The following OPLAH variants were observed in gnomAD, a reference collection of about 807,000 sequenced individuals.
The protein encoded by OPLAH is 5-oxoprolinase.
In OPLAH, 103 loss-of-function variants were observed where a neutral mutation model predicts 122.8. The ratio of observed to expected loss-of-function variants is 0.84; its 90% CI spans 0.71 to 0.99. OPLAH has a LOEUF of 0.99. OPLAH is among the 50% of genes least tolerant of loss of function. The pLI is 0.00. For missense variants in OPLAH, 1,902 were observed against 1,836.5 expected, an observed-to-expected ratio of 1.04 and a Z score of -0.65; for synonymous variants, 875 against 796.0, an observed-to-expected ratio of 1.10 and a Z score of -1.67.
At chr8:144,051,159 G>A, downstream of OPLAH, 1 of 1,429,190 alleles carries the variant, frequency 7.0e-7, no homozygotes, top group South Asian at 1.5e-5. Context: ...GGGGCTCACG[G>A]ACCACCGGGC....
chr8:144,056,913 G>T lies in OPLAH; in HGVS notation c.1706+35C>A, dbSNP rs781820950. The T allele has an allele frequency of 2.1e-5, 33 of 1,545,616 alleles. No individual in the cohort carries two copies. In the African/African-American group the frequency reaches 4.2e-4, roughly 20 times the overall value. On this transcript the variant is annotated intron_variant, in intron 12 of 26. Transcript: ENST00000618853. ...CCACCAAGGGCGTGGTGAGGACAAC[G>T]TAAGCCCTCTGTCCAGGGCACCCTG... is the stretch of plus-strand genomic sequence containing the variant.
At chr8:144,061,700 G>A (rs1214339754), upstream of OPLAH, among the ~76,000 whole-genome samples, 2 of 152,112 alleles carry the variant, frequency 1.3e-5, no homozygotes, top group Non-Finnish European at 2.9e-5. Context: ...TCCACCCCTC[G>A]TTTAGCATAT....
rs192465818 is a variant in OPLAH, at chr8:144,053,606, T to A, written c.2687-213A>T. 2.0e-5 allele frequency among the ~76,000 whole-genome samples: 3 copies of A among 152,134 alleles called. No homozygotes were observed. The East Asian group carries it at 5.8e-4, about 29-fold the overall frequency. ...GCCCTCTGCAGTGTGCCTGTGCATG[T>A]CCCTCTGTGGTCCACAACCCCTGCC... On this transcript the variant is annotated intron_variant, in intron 19 of 26. Coordinates refer to ENST00000618853, the MANE Select transcript of OPLAH (RefSeq NM_017570.5).
chr8:144,052,891 C>A lies in OPLAH; in HGVS notation c.3028G>T (p.Val1010Leu), dbSNP rs1554758049. ...VQISLSQGSAVFDFSGTGPEV... is the reference protein window; with the variant it reads ...VQISLSQGSALFDFSGTGPEV... ...GGCCCAGTGCCGCTGAAGTCAAACA[C>A]GGCGCTGCCCTGCGCGCCCCGAGGG... The change falls in exon 22 of 27, where the codon GTG (valine) becomes TTG (leucine). Residue 1010 changes from valine (V) to leucine (L), a missense_variant. Physicochemically the swap from Val to Leu is conservative, Grantham distance 32. Transcript: ENST00000618853. 9 of 1,555,084 alleles carry A rather than the reference C, an allele frequency of 5.8e-6. No homozygotes were observed. Among genetic ancestry groups the A allele is most frequent in the Non-Finnish European group, 7.8e-6 (9 of 1,149,728 alleles).
In OPLAH at chr8:144,053,238, C is replaced by T. The variant is rs372271426; in HGVS notation, c.2842G>A (p.Val948Met). The T allele has an allele frequency of 5.0e-6, 8 of 1,612,880 alleles. No homozygotes were observed. The highest frequency in any genetic ancestry group is 4.5e-5 in the East Asian group (2 of 44,876). The change falls in exon 20 of 27, where the codon GTG (valine) becomes ATG (methionine). Residue 948 changes from valine (V) to methionine (M), a missense_variant. This residue lies in a region of OPLAH where 1,726 missense variants were observed against 1,642.1 expected (regional missense o/e 1.05). Coordinates refer to ENST00000618853, the MANE Select transcript of OPLAH (RefSeq NM_017570.5). ...ATATGGCCCATGTAGGCCTGCACCA[C>T]GTCCAGGCCGTACTGCCCAATGAGC... is the stretch of plus-strand genomic sequence containing the variant. ...GELIGQYGLD[V>M]VQAYMGHIQA...
Position 144,058,339 on chromosome 8 carries a change from G to A in OPLAH, c.849C>T (p.Ser283=). ...GLAPMDTFSG[S]SAVLSGPAGG... The stretch of plus-strand genomic sequence containing the variant: ...CGGCCGGGCCCGAGAGCACAGCACT[G>A]GAGCCGCTGAAGGTGTCCATGGGCG... Residue 283 remains serine (S), a synonymous_variant, in exon 7 of 27, where the codon TCC becomes TCT. Transcript: ENST00000618853. 6.3e-7 allele frequency: 1 copy of A among 1,598,798 alleles called. No homozygotes were observed. Among genetic ancestry groups the A allele is most frequent in the Non-Finnish European group, 8.5e-7 (1 of 1,175,132 alleles).
rs782556868 is a variant in OPLAH at position 144,060,139 on chromosome 8, C to T, written c.-53-54G>A. 1.5e-5 allele frequency: 19 copies of T among 1,285,188 alleles called. 1 individual carries two copies. In the South Asian group the frequency reaches 2.5e-4, roughly 17 times the overall value. The allele number at this position is 1,285,188 out of a possible 1,614,324, so 79.6% of individuals were successfully genotyped here. A position where few individuals can be genotyped will look rare whatever the true frequency, so the allele number is the denominator to read the frequency against. ...CACCTGCGAGTGGGACTAGAGGCTC[C>T]CCAGCCCTGCGCATGCGGGGGGTTC... On this transcript the variant is annotated intron_variant, in intron 1 of 26. Transcript: ENST00000618853.
In OPLAH at chr8:144,055,162, G is replaced by T; in HGVS notation, c.2276C>A (p.Thr759Lys). 1 of 1,561,314 alleles carries T rather than the reference G, an allele frequency of 6.4e-7. No individual in the cohort carries two copies. Among genetic ancestry groups the T allele is most frequent in the African/African-American group, 1.4e-5 (1 of 73,298 alleles). ...CTCCTTGATGTTGGTGGAGATGGCT[G>T]TGCGCTGCAGGATGCGGCCCATCTG... The part of the protein sequence containing the change: ...AEQMGRILQR[T>K]AISTNIKERL... Residue 759 changes from threonine to lysine, a missense_variant, in exon 17 of 27, where the codon ACA becomes AAA. Thr to Lys is a moderately conservative substitution (Grantham distance 78, BLOSUM62 -1). Around this residue, in one of 3 missense-constraint regions of OPLAH, gnomAD observed 1,726 missense variants for 1,642.1 expected, o/e 1.05. Transcript: ENST00000618853. This position sits in a 1 kb window ranked among gnomAD's most constrained non-coding sequence, Gnocchi z 6.5.
chr8:144,058,640 G>A lies in OPLAH; in HGVS notation c.639C>T (p.Phe213=), dbSNP rs1835591529. 1.9e-6 allele frequency: 3 copies of A among 1,601,670 alleles called. No individual in the cohort carries two copies. The highest frequency in any genetic ancestry group is 2.5e-6 in the Non-Finnish European group (3 of 1,177,878). The change falls in exon 6 of 27, where the codon TTC becomes TTT. Residue 213 remains phenylalanine, a synonymous_variant. Coordinates refer to ENST00000618853, the MANE Select transcript of OPLAH (RefSeq NM_017570.5). ...CCTCCGAGGACAGTGACACGTGCGTGAAGCCCAGCTCCCGGGCCAGCACAC... is the reference window on the plus strand; with the variant it reads ...CCTCCGAGGACAGTGACACGTGCGTAAAGCCCAGCTCCCGGGCCAGCACAC... ...QVGVLARELG[F]THVSLSSEAM...
In OPLAH at chr8:144,059,561, C is replaced by T. The variant is rs377502415; in HGVS notation, c.363+38G>A. The T allele has an allele frequency of 2.6e-4, 416 of 1,570,012 alleles. 1 individual carries two copies. In the African/African-American group the frequency reaches 4.9e-3, roughly 18 times the overall value. ...GGTCAAGGCATCCCTGGGGGGTGTACACCACACAGCCTGGTCCCCAGCCAA... is the reference window on the plus strand; with the variant it reads ...GGTCAAGGCATCCCTGGGGGGTGTATACCACACAGCCTGGTCCCCAGCCAA... On this transcript the variant is annotated intron_variant, in intron 3 of 26. Transcript: ENST00000618853.
intron 1 of OPLAH, among the ~76,000 whole-genome samples, chr8:144,060,380 G>C (rs556833219): frequency 6.6e-6 from 1 of 152,220 alleles, no homozygotes; most frequent in Non-Finnish European, 1.5e-5. Context: ...TGGAGCCCTC[G>C]GGCGGGGTCC....
Position 144,051,725 on chromosome 8 carries a change from T to C in OPLAH, c.3720+4A>G. 1 of 1,596,316 alleles carries C rather than the reference T, an allele frequency of 6.3e-7. No homozygotes were observed. On this transcript the variant is annotated splice_donor_region_variant and intron_variant, in intron 26 of 26. Transcript: ENST00000618853. ...AGGGGGACAGGACAGGCCGCGGCCC[T>C]TACCCCGGGGTACACGGTCACCGAC...
intron 10 of OPLAH, 60 bp downstream of exon 10, chr8:144,057,388 G>C (rs1270670631): frequency 1.3e-6 from 2 of 1,583,882 alleles, no homozygotes; most frequent in African/African-American, 2.7e-5. Context: ...CTGAGCAGGA[G>C]GCCTGGGGCA....
chr8:144,056,254 G>T lies in OPLAH; in HGVS notation c.1989C>A (p.Thr663=), dbSNP rs782071124. The change falls in exon 15 of 27, where the codon ACC becomes ACA. Residue 663 remains threonine (T), a synonymous_variant. Coordinates refer to ENST00000618853, the MANE Select transcript of OPLAH (RefSeq NM_017570.5). ...QTGPPRVDKM[T]QCYFEGGYQE... ...GGTAGCCCCCCTCAAAGTAGCACTGGGTCATCTGCAGAGGGTGCGGGTGAG... is the reference window on the plus strand; with the variant it reads ...GGTAGCCCCCCTCAAAGTAGCACTGTGTCATCTGCAGAGGGTGCGGGTGAG... The T allele has an allele frequency of 1.7e-5, 27 of 1,611,134 alleles. No homozygotes were observed. The highest frequency in any genetic ancestry group is 7.6e-6 in the Non-Finnish European group (9 of 1,178,686).
Position 144,059,087 on chromosome 8 carries a change from C to A in OPLAH, c.364-8G>T. The A allele has an allele frequency of 1.3e-6, 2 of 1,565,626 alleles. No individual in the cohort carries two copies. The highest frequency in any genetic ancestry group is 1.7e-6 in the Non-Finnish European group (2 of 1,156,876). Reference sequence around the variant, plus strand: ...CTCAGGCATGGGCACGGCCTGGGGGCGGGCAGAGACTCAGAAGAGGCCCAG... The same window carrying A: ...CTCAGGCATGGGCACGGCCTGGGGGAGGGCAGAGACTCAGAAGAGGCCCAG... On this transcript the variant is annotated splice_polypyrimidine_tract_variant and splice_region_variant and intron_variant, in intron 3 of 26. Transcript: ENST00000618853.
chr8:144,050,594 G>A (rs1039956177), downstream of OPLAH: 3 of 985,566 alleles, frequency 3.0e-6, no homozygotes, highest in Non-Finnish European at 3.6e-6. Context: ...ATCCCTGCCG[G>A]CTGGGCACGC....
chr8:144,059,490 T>C (rs1835614633), intron 3 of OPLAH, 109 bp downstream of exon 3: 1 of 1,171,858 alleles, frequency 8.5e-7, no homozygotes, highest in Non-Finnish European at 1.2e-6. Flanking sequence ...CTTTGTCGGC[T>C]GGTGCCCATG....
At chr8:144,058,189 G>A in intron 7 of OPLAH, 41 bp from the exon 8 acceptor site, 2 of 1,606,882 alleles carry the variant, frequency 1.2e-6, no homozygotes, top group Non-Finnish European at 1.7e-6. Context: ...TGAAGACCCA[G>A]GGGCCCAGCA....
rs1554760014 is a variant in OPLAH at position 144,058,480 on chromosome 8, T to C, written c.783+16A>G. The C allele has an allele frequency of 6.4e-7, 1 of 1,574,090 alleles. No homozygotes were observed. Among genetic ancestry groups the C allele is most frequent in the Non-Finnish European group, 8.6e-7 (1 of 1,163,434 alleles). On this transcript the variant is annotated intron_variant, in intron 6 of 26. Transcript: ENST00000618853. ...CAGGCCCAGGAGTGGGCAGTGGGGGTGCCTCACAGCCTCACCTTGAGTTGG... is the reference window on the plus strand; with the variant it reads ...CAGGCCCAGGAGTGGGCAGTGGGGGCGCCTCACAGCCTCACCTTGAGTTGG...
Sources: allele counts gnomAD v4.1 joint callset (sites outside exome capture counted in the v4.1 genomes callset), GRCh38; gene constraint gnomAD v4.1.1; regional missense constraint gnomAD v4.1.1; non-coding constraint Gnocchi (gnomAD v3.1); transcripts MANE v1.5; gene names NCBI Gene and HGNC (gene_info 2026-07-23, HGNC 2026-07-21).